MRTFA: variants seen among roughly 807,000 people sequenced by gnomAD.
The protein encoded by MRTFA is myocardin related transcription factor A.
A neutral mutation model predicts 83.5 loss-of-function variants in MRTFA; 20 were observed. The observed-to-expected ratio is 0.24, with a 90% confidence interval of 0.17 to 0.35. The LOEUF (loss-of-function observed/expected upper bound fraction) is 0.35, where lower values mean the gene tolerates loss of function less well. Ranked by LOEUF, MRTFA falls within the 10% of genes least tolerant of loss-of-function variation. The probability of loss-of-function intolerance (pLI) is 1.00; values close to 1 mark genes in which losing one functional copy is unlikely to be tolerated. For missense variants in MRTFA, 1,200 were observed against 1,224.7 expected (o/e 0.98, Z 0.30); for synonymous variants, 659 against 541.2 (o/e 1.22, Z -3.02).
intron 14 of MRTFA, chr22:40,415,217 T>C (rs1388784305): frequency 6.6e-6 from 1 of 152,520 alleles, no homozygotes; most frequent in Non-Finnish European, 1.5e-5. Flanking sequence ...CCTCCTTCCC[T>C]TGGAACCTCC....
chr22:40,420,726 T>C (rs1028515837), intron 10 of MRTFA, 121 bp downstream of exon 10: 47 of 1,546,144 alleles, frequency 3.0e-5, no homozygotes, highest in Non-Finnish European at 3.6e-5. Context: ...CAGACCACTC[T>C]GTAGCATCCA....
chr22:40,607,061 T>A (rs2056326188), intron 1 of MRTFA, among the ~76,000 whole-genome samples: 1 of 152,174 alleles, frequency 6.6e-6, no homozygotes, highest in Admixed American at 6.5e-5. Flanking sequence ...AGAAAACAGA[T>A]ACACAATAGA....
intron 9 of MRTFA, among the ~76,000 whole-genome samples, chr22:40,422,474 A>C (rs2052861944): frequency 6.6e-6 from 1 of 152,212 alleles, no homozygotes; most frequent in Admixed American, 6.5e-5. Context: ...GTGAGAAGAG[A>C]ATGCAGGTGC....
At chr22:40,586,859 C>G (rs1336720803) in intron 2 of MRTFA, 1 of 412,548 alleles carries the variant, frequency 2.4e-6, no homozygotes, top group African/African-American at 2.1e-5. Context: ...GACTGCAACC[C>G]CCTTTCTCAT....
chr22:40,604,782 G>A (rs1052894360), intron 1 of MRTFA, among the ~76,000 whole-genome samples: 10 of 152,122 alleles, frequency 6.6e-5, no homozygotes, highest in African/African-American at 2.4e-4. Context: ...AAATTCTAAC[G>A]CTTATTCCTC....
intron 4 of MRTFA, chr22:40,436,354 A>C (rs554824011): frequency 6.5e-6 from 1 of 154,478 alleles, no homozygotes; most frequent in African/African-American, 2.4e-5. Context: ...AACCAAAAAG[A>C]TATATGTCCA....
intron 3 of MRTFA, among the ~76,000 whole-genome samples, chr22:40,533,189 A>C (rs922996961): frequency 6.6e-6 from 1 of 152,228 alleles, no homozygotes; most frequent in Admixed American, 6.5e-5. Flanking sequence ...AGCTAAGAAA[A>C]AAAATTTAAA....
intron 3 of MRTFA, among the ~76,000 whole-genome samples, chr22:40,540,160 C>T (rs2055265416): frequency 6.6e-6 from 1 of 152,010 alleles, no homozygotes; most frequent in South Asian, 2.1e-4. Context: ...AATCCTCCCG[C>T]CTCAGCCTCC....
chr22:40,414,676 T>C (rs1167681608), intron 14 of MRTFA, among the ~76,000 whole-genome samples: 1 of 151,910 alleles, frequency 6.6e-6, no homozygotes, highest in Non-Finnish European at 1.5e-5. Flanking sequence ...GGCAAATCCA[T>C]AGAGAAAGTG....
At chr22:40,471,750 T>C (rs545283135) in intron 3 of MRTFA, among the ~76,000 whole-genome samples, 1 of 152,180 alleles carries the variant, frequency 6.6e-6, no homozygotes, top group South Asian at 2.1e-4. Flanking sequence ...CAAGTGCCTG[T>C]TGTCCAAACT....
chr22:40,461,628 CAAAAAAAA>C lies in MRTFA; in HGVS notation c.307+1585_307+1592del, dbSNP rs71199287. Among the ~76,000 whole-genome samples, 33 of 100,356 alleles carry C rather than the reference CAAAAAAAA, an allele frequency of 3.3e-4. 1 individual carries two copies. Among genetic ancestry groups the C allele is most frequent in the South Asian group, 9.8e-4 (3 of 3,072 alleles). The allele number at this position is 100,356 out of a possible 152,430, so 65.8% of individuals were successfully genotyped here. A position where few individuals can be genotyped will look rare whatever the true frequency, so the allele number is the denominator to read the frequency against. ...TGAAACCCCGTCTCTACTAAAAATA[CAAAAAAAA>C]AAAAAAAAAAAAATTAGCCAGGCGC... On this transcript the variant is annotated intron_variant, in intron 4 of 14. Transcript: ENST00000355630.
In MRTFA at chr22:40,570,491, C is replaced by A. The variant is rs529747927; in HGVS notation, c.-21-18124G>T. 2.1e-5 allele frequency among the ~76,000 whole-genome samples: 3 copies of A among 141,238 alleles called. No homozygotes were observed. The East Asian group carries it at 6.8e-4, about 32-fold the overall frequency. 92.7% of individuals were successfully genotyped at this position (141,238 alleles called of 152,430 possible). A position where few individuals can be genotyped will look rare whatever the true frequency, so the allele number is the denominator to read the frequency against. On this transcript the variant is annotated intron_variant, in intron 2 of 14. Transcript: ENST00000355630. ...TACTCGGGAGGCTGAGGCAGGAGAA[C>A]GGCATGAACCCAGGAGGTGGAGCTT...
At chr22:40,431,369 T>C in intron 6 of MRTFA, 36 bp downstream of exon 6, 1 of 1,591,372 alleles carries the variant, frequency 6.3e-7, no homozygotes, top group Non-Finnish European at 8.6e-7. Context: ...CAGTGAGAAC[T>C]GGATCTAGAT....
intron 2 of MRTFA, among the ~76,000 whole-genome samples, chr22:40,575,489 T>C (rs577413478): frequency 1.4e-4 from 22 of 152,302 alleles, no homozygotes; most frequent in African/African-American, 5.3e-4. Flanking sequence ...TTTAAAAAAT[T>C]ATTTGCTTTC....
chr22:40,458,415 G>A (rs1037005914), intron 4 of MRTFA, among the ~76,000 whole-genome samples: 6 of 152,166 alleles, frequency 3.9e-5, no homozygotes, highest in Middle Eastern at 3.4e-3. Context: ...TAGGAATTAG[G>A]GGATTCTTTA....
intron 4 of MRTFA, among the ~76,000 whole-genome samples, chr22:40,443,995 A>T (rs2053330564): frequency 6.6e-6 from 1 of 152,190 alleles, no homozygotes; most frequent in Admixed American, 6.5e-5. Flanking sequence ...TCTCGCCCCG[A>T]ATGAGAAGTC....
intron 1 of MRTFA, among the ~76,000 whole-genome samples, chr22:40,605,889 T>C (rs575420075): frequency 6.6e-6 from 1 of 152,336 alleles, no homozygotes; most frequent in Admixed American, 6.5e-5. Context: ...TAGCATTCTT[T>C]TCATTCTCAA....
intron 5 of MRTFA, among the ~76,000 whole-genome samples, chr22:40,432,445 C>T (rs905383774): frequency 1.3e-5 from 2 of 152,018 alleles, no homozygotes; most frequent in African/African-American, 4.8e-5. Context: ...CAAACTAAAC[C>T]AGTCCCTCAA....
intron 3 of MRTFA, among the ~76,000 whole-genome samples, chr22:40,513,237 A>G (rs1160791851): frequency 1.3e-5 from 2 of 152,220 alleles, no homozygotes. Flanking sequence ...GAGATGCAGG[A>G]GGTAAGAATT....
Sources: gnomAD v4.1 joint callset for allele counts (sites outside exome capture counted in the v4.1 genomes callset) on GRCh38, gnomAD v4.1.1 for gene constraint, MANE v1.5 for transcripts, NCBI Gene and HGNC (gene_info 2026-07-23, HGNC 2026-07-21) for gene names.